PTPRD: variants seen among roughly 807,000 people sequenced by gnomAD.
PTPRD encodes protein tyrosine phosphatase receptor type D.
PTPRD carries 34 observed loss-of-function variants against 214.5 expected under a neutral mutation model. The observed-to-expected ratio is 0.16, with a 90% CI of 0.12 to 0.21. PTPRD has a LOEUF of 0.21. Among genes scored for constraint, PTPRD ranks in the 10% least tolerant of loss-of-function variants. The pLI, the probability that PTPRD is intolerant of heterozygous loss-of-function variation, is 1.00. For synonymous variants in PTPRD, 1,128 were observed against 845.7 expected (o/e 1.33, Z -5.79); for missense variants, 2,545 against 2,398.7 (o/e 1.06, Z -1.27).
intron 9 of PTPRD, among the ~76,000 whole-genome samples, chr9:9,189,904 G>A (rs980990273): frequency 6.6e-6 from 1 of 151,944 alleles, no homozygotes; most frequent in Non-Finnish European, 1.5e-5. Context: ...TTTGAAATTA[G>A]TGTGGCTGTG....
intron 11 of PTPRD, among the ~76,000 whole-genome samples, chr9:8,816,889 T>A (rs1340143454): frequency 6.6e-6 from 1 of 152,234 alleles, no homozygotes; most frequent in African/African-American, 2.4e-5. Context: ...AACAACAGAA[T>A]TCTTGCATCT....
At chr9:9,892,485 G>T (rs1037333995) in intron 5 of PTPRD, among the ~76,000 whole-genome samples, 4 of 152,074 alleles carry the variant, frequency 2.6e-5, no homozygotes, top group Non-Finnish European at 5.9e-5. Flanking sequence ...AGAGAAATTT[G>T]AAGATATAGC....
At chr9:9,687,130 T>C (rs995017852) in intron 7 of PTPRD, among the ~76,000 whole-genome samples, 2 of 106,922 alleles carry the variant, frequency 1.9e-5, no homozygotes, top group African/African-American at 7.2e-5. Context: ...GTGAGCCAAA[T>C]GCATAAACAA....
rs2096501353 is a variant in PTPRD, at chr9:8,638,665, CT to C, written c.65-1822del. 2.0e-5 allele frequency among the ~76,000 whole-genome samples: 3 copies of C among 152,114 alleles called. No individual in the cohort carries two copies. The South Asian group carries it at 6.2e-4, about 32-fold the overall frequency. ...ATTACCACCTCATCAGCAAATTCAA[CT>C]TGTTGGTGATCCTGGAACTGCGGGC... On this transcript the variant is annotated intron_variant, in intron 12 of 45. Coordinates refer to ENST00000381196, the MANE Select transcript of PTPRD (RefSeq NM_002839.4).
chr9:9,872,661 G>T (rs1299472056), intron 5 of PTPRD, among the ~76,000 whole-genome samples: 3 of 152,018 alleles, frequency 2.0e-5, no homozygotes, highest in African/African-American at 7.2e-5. Flanking sequence ...AATTACATGA[G>T]ATAGATACAC....
intron 9 of PTPRD, among the ~76,000 whole-genome samples, chr9:9,229,270 A>G (rs2099961556): frequency 6.6e-6 from 1 of 152,176 alleles, no homozygotes. Flanking sequence ...TAGTCCTGTA[A>G]CTGATAAGAT....
At chr9:8,709,814 A>C (rs933077654) in intron 12 of PTPRD, among the ~76,000 whole-genome samples, 6 of 152,190 alleles carry the variant, frequency 3.9e-5, no homozygotes, top group Non-Finnish European at 7.3e-5. Context: ...TAGAGTTATA[A>C]AATATGTTTG....
chr9:8,441,740 A>T (rs1304233311), intron 34 of PTPRD, among the ~76,000 whole-genome samples: 1 of 151,960 alleles, frequency 6.6e-6, no homozygotes, highest in East Asian at 1.9e-4. Flanking sequence ...CTTCTCTCTA[A>T]CCTGATCCCC....
rs59488682 is a variant in PTPRD at position 8,353,937 on chromosome 9, C to CATATATATATATATAT, written c.4662-11975_4662-11960dup. ...ATATATGTATATATATGTGTGTGTA[C>CATATATATATATATAT]ATATATATATATATATATATATATA... On this transcript the variant is annotated intron_variant, in intron 39 of 45. Coordinates refer to ENST00000381196, the MANE Select transcript of PTPRD (RefSeq NM_002839.4). 7.7e-4 allele frequency among the ~76,000 whole-genome samples: 47 copies of CATATATATATATATAT among 61,298 alleles called. 4 individuals are homozygous for CATATATATATATATAT. Among genetic ancestry groups the CATATATATATATATAT allele is most frequent in the African/African-American group, 2.8e-3 (42 of 14,780 alleles). The allele number at this position is 61,298 out of a possible 152,430, so 40.2% of individuals were successfully genotyped here.
intron 9 of PTPRD, among the ~76,000 whole-genome samples, chr9:9,308,906 C>T (rs1395991915): frequency 1.3e-5 from 2 of 152,008 alleles, no homozygotes; most frequent in African/African-American, 2.4e-5. Context: ...TTATTTAAAG[C>T]AGAGTCTTCA....
At chr9:10,235,429 G>GTA (rs2154359162) in intron 3 of PTPRD, among the ~76,000 whole-genome samples, 1 of 152,080 alleles carries the variant, frequency 6.6e-6, no homozygotes, top group South Asian at 2.1e-4. Context: ...ACGCTAAAGA[G>GTA]TATAGCTAGC....
intron 27 of PTPRD, among the ~76,000 whole-genome samples, chr9:8,489,887 C>T (rs1416443355): frequency 6.6e-6 from 1 of 152,194 alleles, no homozygotes; most frequent in Non-Finnish European, 1.5e-5. Flanking sequence ...AATACTTGTA[C>T]ACTGGCACAC....
intron 2 of PTPRD, among the ~76,000 whole-genome samples, chr9:10,423,190 T>C (rs891174629): frequency 3.3e-5 from 5 of 151,540 alleles, no homozygotes; most frequent in African/African-American, 1.2e-4. Context: ...TCATTCTGAG[T>C]AAACTATCAC....
intron 4 of PTPRD, among the ~76,000 whole-genome samples, chr9:9,979,689 A>G (rs1254512521): frequency 6.6e-6 from 1 of 152,208 alleles, no homozygotes; most frequent in African/African-American, 2.4e-5. Flanking sequence ...AATAATTTAT[A>G]GATTGTGAAT....
chr9:8,786,555 C>T (rs1197361764), intron 11 of PTPRD, among the ~76,000 whole-genome samples: 3 of 151,840 alleles, frequency 2.0e-5, no homozygotes, highest in Non-Finnish European at 4.4e-5. Context: ...GCTGGGATTA[C>T]AGGCGCCCGC....
At chr9:10,318,835 G>T (rs755935629) in intron 3 of PTPRD, among the ~76,000 whole-genome samples, 1 of 152,134 alleles carries the variant, frequency 6.6e-6, no homozygotes, top group African/African-American at 2.4e-5. Context: ...GGTAGTTAAG[G>T]TATTATGTAG....
chr9:9,198,048 A>C (rs2099939681), intron 9 of PTPRD, among the ~76,000 whole-genome samples: 1 of 152,228 alleles, frequency 6.6e-6, no homozygotes. Context: ...AAGGCTACTG[A>C]GAATTTTTAA....
At chr9:9,363,885 T>C (rs3904502) in intron 9 of PTPRD, among the ~76,000 whole-genome samples, 33,711 of 151,364 alleles carry the variant, frequency 0.22, 4,373 homozygotes, top group Non-Finnish European at 0.3. Flanking sequence ...CTTTGCATTA[T>C]AGTTTTAAGC....
chr9:9,156,645 T>C (rs17590459), intron 10 of PTPRD, among the ~76,000 whole-genome samples: 47,606 of 151,604 alleles, frequency 0.31, 8,089 homozygotes, highest in Non-Finnish European at 0.39. Context: ...AGCGGCGTCA[T>C]GTATTTTTGC....
Sources: gnomAD v4.1 joint callset for allele counts (sites outside exome capture counted in the v4.1 genomes callset) on GRCh38, gnomAD v4.1.1 for gene constraint, MANE v1.5 for transcripts, NCBI Gene and HGNC (gene_info 2026-07-23, HGNC 2026-07-21) for gene names.